The following RNF213 variants were observed in gnomAD, a reference collection of about 807,000 sequenced individuals.
RNF213 encodes the protein ring finger protein 213.
Under a neutral mutation model 514.4 loss-of-function variants are expected in RNF213, and 341 were observed. The observed-to-expected ratio is 0.66, with a 90% confidence interval of 0.61 to 0.73. The LOEUF is 0.73. RNF213 is among the 30% of genes least tolerant of loss of function. RNF213 has a pLI of 0.00. For missense variants in RNF213, 5,767 were observed against 6,615.6 expected (o/e 0.87, Z 4.45); for synonymous variants, 2,655 against 2,658.2 (o/e 1.00, Z 0.04).
rs1183823164 is a variant in RNF213, at chr17:80,309,157, C to T, written c.2641C>T (p.Leu881Phe). Residue 881 changes from leucine (L) to phenylalanine (F), a missense_variant, in exon 14 of 68, where the codon CTT becomes TTT. Coordinates refer to ENST00000582970, the MANE Select transcript of RNF213 (RefSeq NM_001256071.3). ...SAEIVCRMIR[L>F]LSLVDSAGQR... is the part of the protein sequence containing the mutation. ...CGAGATTGTCTGCAGAATGATTAGA[C>T]TTCTATCTCTGGTGGTAAGTGGAGT... 1.2e-6 allele frequency: 2 copies of T among 1,614,206 alleles called. No individual in the cohort carries two copies. The highest frequency in any genetic ancestry group is 2.2e-5 in the East Asian group (1 of 44,890).
rs1202276071 is a variant in RNF213, at chr17:80,319,222, C to A, written c.2934C>A (p.Cys978Ter). The change falls in exon 17 of 68, where the codon TGC becomes TGA. Residue 978 changes from cysteine to a stop codon, truncating the protein, a stop_gained. Transcript: ENST00000582970. LOFTEE classifies it high-confidence loss of function. ...EEPLSQITAY[C>*]NSCWDTKGLE... ...CCCTCTCCCAGATCACTGCCTACTG[C>A]AATAGTTGCTGGGACACCAAAGGCT... 6.2e-7 allele frequency: 1 copy of A among 1,614,060 alleles called. No individual in the cohort carries two copies. The highest frequency in any genetic ancestry group is 1.3e-5 in the African/African-American group (1 of 74,920).
At chr17:80,379,498 C>T (rs973439999) in intron 54 of RNF213, 122 bp from the exon 55 acceptor site, 69 of 944,072 alleles carry the variant, frequency 7.3e-5, no homozygotes, top group Non-Finnish European at 1.1e-4. Flanking sequence ...CAAGCACACA[C>T]TGGGACAATC....
intron 18 of RNF213, among the ~76,000 whole-genome samples, chr17:80,325,900 A>C (rs938159281): frequency 2.0e-5 from 3 of 152,006 alleles, no homozygotes; most frequent in African/African-American, 7.2e-5. Context: ...GCACAAGTAA[A>C]AGCTACTCTC....
chr17:80,353,837 C>A lies in RNF213; in HGVS notation c.10578+171C>A. The A allele has an allele frequency of 8.3e-7, 1 of 1,204,176 alleles. No homozygotes were observed. Among genetic ancestry groups the A allele is most frequent in the Non-Finnish European group, 1.2e-6 (1 of 833,194 alleles). The allele number at this position is 1,204,176 out of a possible 1,614,324, so 74.6% of individuals were successfully genotyped here. ...GGTCTTGTTGCTGGTTACTGGGGGT[C>A]AAGGGCATCTGCACCGGCAGTTTGG... On this transcript the variant is annotated intron_variant, in intron 34 of 67. Coordinates refer to ENST00000582970, the MANE Select transcript of RNF213 (RefSeq NM_001256071.3). This position sits in a 1 kb window ranked among gnomAD's most constrained non-coding sequence, Gnocchi z 5.0.
At chr17:80,294,457 C>T (rs2044862729) in intron 8 of RNF213, among the ~76,000 whole-genome samples, 1 of 152,238 alleles carries the variant, frequency 6.6e-6, no homozygotes, top group Admixed American at 6.5e-5. Context: ...CTCAGGCCCG[C>T]TGCATCCCAT....
chr17:80,295,469 G>C, intron 9 of RNF213, 88 bp from the exon 10 acceptor site: 1 of 1,554,074 alleles, frequency 6.4e-7, no homozygotes, highest in South Asian at 1.1e-5. Context: ...GGGGTCTGCT[G>C]CCCTAGCTGT....
Position 80,294,916 on chromosome 17 carries a change from C to A in RNF213, c.1668C>A (p.Phe556Leu), listed in dbSNP as rs146798784. The A allele has an allele frequency of 1.9e-6, 3 of 1,614,190 alleles. No individual in the cohort carries two copies. The highest frequency in any genetic ancestry group is 2.5e-6 in the Non-Finnish European group (3 of 1,180,046). The stretch of plus-strand genomic sequence containing the variant: ...ACCTGAACAGCTTCTTCACCCAGTT[C>A]GAGCAGTTTTGCTTTGTCCTGCAAC... ...TINLNSFFTQFEQFCFVLQQP... is the reference protein window; with the variant it reads ...TINLNSFFTQLEQFCFVLQQP... The change falls in exon 9 of 68, where the codon TTC (phenylalanine) becomes TTA (leucine). Residue 556 changes from phenylalanine (F) to leucine (L), a missense_variant. Transcript: ENST00000582970.
chr17:80,279,376 C>T (rs1359973642), intron 3 of RNF213, among the ~76,000 whole-genome samples: 1 of 152,184 alleles, frequency 6.6e-6, no homozygotes, highest in Non-Finnish European at 1.5e-5. Flanking sequence ...TGGCGCTCGC[C>T]ACGTGGGGGT....
chr17:80,329,283 T>G (rs1488190213), intron 20 of RNF213, among the ~76,000 whole-genome samples: 2 of 152,254 alleles, frequency 1.3e-5, no homozygotes, highest in Non-Finnish European at 2.9e-5. Context: ...CTTGTGTGTC[T>G]AAAGATGTCT....
At chr17:80,285,787 C>T (rs1451499921) in intron 3 of RNF213, among the ~76,000 whole-genome samples, 2 of 151,748 alleles carry the variant, frequency 1.3e-5, no homozygotes, top group South Asian at 2.1e-4. Context: ...TCTCCTGCTT[C>T]AGCCTCCCAA....
At chr17:80,274,596 A>AGT (rs2043948389) in intron 3 of RNF213, among the ~76,000 whole-genome samples, 1 of 20,238 alleles carries the variant, frequency 4.9e-5, no homozygotes, top group African/African-American at 2.2e-4. Context: ...GTGGGGGGTG[A>AGT]GTGGGGTGAG....
Position 80,383,591 on chromosome 17 carries a change from A to G in RNF213, c.14071-86A>G. On this transcript the variant is annotated intron_variant, in intron 58 of 67. Transcript: ENST00000582970. Reference sequence around the variant, plus strand: ...GGGACAAACGCCCTAATATGCAGACACCCACTGGTGGAGTTACTGGGTGTT... The same window carrying G: ...GGGACAAACGCCCTAATATGCAGACGCCCACTGGTGGAGTTACTGGGTGTT... 3.6e-6 allele frequency: 5 copies of G among 1,405,664 alleles called. No individual in the cohort carries two copies. The South Asian group carries it at 5.8e-5, about 16-fold the overall frequency. The allele number at this position is 1,405,664 out of a possible 1,614,324, so 87.1% of individuals were successfully genotyped here.
At chr17:80,362,941 A>G (rs1423377145) in intron 39 of RNF213, among the ~76,000 whole-genome samples, 161 bp from the exon 40 acceptor site, 2 of 152,234 alleles carry the variant, frequency 1.3e-5, no homozygotes, top group African/African-American at 4.8e-5. Flanking sequence ...ACGTGGGAGG[A>G]GAGGCAGATA....
At position 80,346,068 on chromosome 17, in the gene RNF213, T is replaced by G; in HGVS notation, c.7733T>G (p.Leu2578Arg). The change falls in exon 29 of 68, where the codon CTG becomes CGG. Residue 2578 changes from leucine to arginine, a missense_variant. Around this residue, in one of 13 missense-constraint regions of RNF213, gnomAD observed 1,377 missense variants for 1,635.2 expected, o/e 0.84. Coordinates refer to ENST00000582970, the MANE Select transcript of RNF213 (RefSeq NM_001256071.3). The surrounding 1 kb of genome is among the most constrained non-coding windows in gnomAD (Gnocchi z 8.1). ...GCTCTGCCCCCGAGCCTGATTCCTC[T>G]GGTGTGGGACTTTGGACAACTGAGT... ...VHALPPSLIP[L>R]VWDFGQLSDV... The G allele has an allele frequency of 6.2e-7, 1 of 1,614,172 alleles. No homozygotes were observed. Among genetic ancestry groups the G allele is most frequent in the Non-Finnish European group, 8.5e-7 (1 of 1,180,024 alleles).
intron 29 of RNF213, among the ~76,000 whole-genome samples, chr17:80,348,573 C>T (rs1389397740): frequency 1.3e-5 from 2 of 152,262 alleles, no homozygotes; most frequent in Non-Finnish European, 1.5e-5. Flanking sequence ...ACTAGGGACG[C>T]ACAGATGAAT....
chr17:80,381,533 C>T lies in RNF213; in HGVS notation c.13798-14C>T, dbSNP rs770463091. On this transcript the variant is annotated splice_polypyrimidine_tract_variant and intron_variant, in intron 56 of 67. Transcript: ENST00000582970. ...CAGATCCCCGCTGAACACTCTGTTC[C>T]GTTGCCCCCACAGGCTCTGATAAAC... is the stretch of plus-strand genomic sequence containing the variant. 29 of 1,613,750 alleles carry T rather than the reference C, an allele frequency of 1.8e-5. No homozygotes were observed. The highest frequency in any genetic ancestry group is 1.3e-4 in the East Asian group (6 of 44,892).
At chr17:80,310,795 G>T (rs927961002) in intron 14 of RNF213, among the ~76,000 whole-genome samples, 3 of 151,384 alleles carry the variant, frequency 2.0e-5, no homozygotes, top group Non-Finnish European at 4.4e-5. Flanking sequence ...CAGGTGATTC[G>T]CCTGCCTCAG....
chr17:80,289,220 C>A (rs571377621), intron 5 of RNF213, among the ~76,000 whole-genome samples: 1 of 152,172 alleles, frequency 6.6e-6, no homozygotes, highest in Non-Finnish European at 1.5e-5. Flanking sequence ...GTGGCCCCAG[C>A]GGCACTGGAA....
intron 3 of RNF213, among the ~76,000 whole-genome samples, chr17:80,276,941 C>T (rs2044080780): frequency 6.6e-6 from 1 of 151,890 alleles, no homozygotes; most frequent in South Asian, 2.1e-4. Flanking sequence ...CCTGTAATCC[C>T]AGCTACTTGG....
Sources: allele counts gnomAD v4.1 joint callset (sites outside exome capture counted in the v4.1 genomes callset), GRCh38; gene constraint gnomAD v4.1.1; regional missense constraint gnomAD v4.1.1; non-coding constraint Gnocchi (gnomAD v3.1); transcripts MANE v1.5; gene names NCBI Gene and HGNC (gene_info 2026-07-23, HGNC 2026-07-21).